The following SLC26A8 variants were observed in gnomAD, a reference collection of about 807,000 sequenced individuals.
SLC26A8 encodes testis anion transporter 1.
A neutral mutation model predicts 105.0 loss-of-function variants in SLC26A8; 70 were observed. The observed-to-expected ratio is 0.67, with a 90% CI of 0.55 to 0.81. The LOEUF (loss-of-function observed/expected upper bound fraction) is 0.81. Ranked by LOEUF, SLC26A8 falls within the 40% of genes least tolerant of loss-of-function variation. The pLI, the probability that SLC26A8 is intolerant of heterozygous loss-of-function variation, is 0.00. For synonymous variants in SLC26A8, 415 were observed against 438.3 expected, an observed-to-expected ratio of 0.95 and a Z score of 0.66; for missense variants, 998 against 1,181.8, an observed-to-expected ratio of 0.84 and a Z score of 2.28.
chr6:36,002,516 G>A (rs1761552306), intron 3 of SLC26A8, among the ~76,000 whole-genome samples: 1 of 152,024 alleles, frequency 6.6e-6, no homozygotes, highest in South Asian at 2.1e-4. Flanking sequence ...GCTAGCACTC[G>A]ATACTGCTAG....
chr6:35,945,977 T>C (rs895480330), intron 19 of SLC26A8, among the ~76,000 whole-genome samples: 3 of 152,224 alleles, frequency 2.0e-5, no homozygotes, highest in Non-Finnish European at 4.4e-5. Flanking sequence ...TGCTCCTTGG[T>C]CTTTTTGCTA....
chr6:35,962,412 C>T (rs1467159750), intron 12 of SLC26A8, 114 bp downstream of exon 12: 3 of 849,088 alleles, frequency 3.5e-6, no homozygotes, highest in Non-Finnish European at 5.7e-6. Context: ...TACTAGGCAT[C>T]AAAGAGTTGT....
chr6:35,991,489 T>A (rs1241057211), intron 7 of SLC26A8, among the ~76,000 whole-genome samples, 170 bp downstream of exon 7: 1 of 152,154 alleles, frequency 6.6e-6, no homozygotes, highest in East Asian at 1.9e-4. Context: ...AATTTTTAGT[T>A]GTCAACTGTA....
At chr6:35,969,133 C>G in intron 10 of SLC26A8, 179 bp from the exon 11 acceptor site, 1 of 582,002 alleles carries the variant, frequency 1.7e-6, no homozygotes, top group Non-Finnish European at 3.1e-6. Flanking sequence ...TAAACACATA[C>G]TAGGTACTCA....
At chr6:36,009,323 C>T (rs1482151698) in intron 3 of SLC26A8, among the ~76,000 whole-genome samples, 1 of 151,816 alleles carries the variant, frequency 6.6e-6, no homozygotes, top group East Asian at 1.9e-4. Context: ...TGTACTCCAG[C>T]CTGGGTGACA....
In SLC26A8 at chr6:35,943,763, G is replaced by A; in HGVS notation, c.*137C>T. On this transcript the variant is annotated 3_prime_UTR_variant, in exon 20 of 20. Coordinates refer to ENST00000490799, the MANE Select transcript of SLC26A8 (RefSeq NM_052961.4). ...ATCCCAGCGCAGAGCAAGGAAGAAGGCTGGCAGGTAGTAGGAGTCACAGTC... is the reference window on the plus strand; with the variant it reads ...ATCCCAGCGCAGAGCAAGGAAGAAGACTGGCAGGTAGTAGGAGTCACAGTC... 7.8e-7 allele frequency: 1 copy of A among 1,274,416 alleles called. No homozygotes were observed. The highest frequency in any genetic ancestry group is 1.1e-6 in the Non-Finnish European group (1 of 940,052). 78.9% of individuals were successfully genotyped at this position (1,274,416 alleles called of 1,614,324 possible). A position where few individuals can be genotyped will look rare whatever the true frequency, so the allele number is the denominator to read the frequency against.
chr6:35,968,375 C>T (rs1186643865), intron 11 of SLC26A8, among the ~76,000 whole-genome samples: 1 of 151,336 alleles, frequency 6.6e-6, no homozygotes, highest in South Asian at 2.1e-4. Flanking sequence ...GAACTCCTGA[C>T]TTCAGGTAAT....
chr6:35,962,899 G>C (rs1772371199), intron 11 of SLC26A8, among the ~76,000 whole-genome samples: 2 of 152,088 alleles, frequency 1.3e-5, no homozygotes, highest in African/African-American at 4.8e-5. Context: ...GAACTCCTGG[G>C]CTCAAGACGT....
chr6:35,960,899 G>C lies in SLC26A8; in HGVS notation c.1582C>G (p.Leu528Val). 2 of 1,614,162 alleles carry C rather than the reference G, an allele frequency of 1.2e-6. No individual in the cohort carries two copies. The highest frequency in any genetic ancestry group is 1.1e-5 in the South Asian group (1 of 91,084). ...TVRSHRAKILLLGQIPNTNIY... is the reference protein window; with the variant it reads ...TVRSHRAKILVLGQIPNTNIY... The stretch of plus-strand genomic sequence containing the variant: ...TTGGTGTTAGGGATTTGACCCAGGA[G>C]AAGAATCTTAGCTCTGAAAGGAAAT... Residue 528 changes from leucine (L) to valine (V), a missense_variant, in exon 14 of 20, where the codon CTC becomes GTC. Leu to Val is a conservative substitution (Grantham distance 32, BLOSUM62 1). Coordinates refer to ENST00000490799, the MANE Select transcript of SLC26A8 (RefSeq NM_052961.4).
At chr6:36,020,892 T>C (rs1762112446) in intron 1 of SLC26A8, among the ~76,000 whole-genome samples, 1 of 152,190 alleles carries the variant, frequency 6.6e-6, no homozygotes, top group South Asian at 2.1e-4. Flanking sequence ...TGCAGATAAG[T>C]TTAATGTGTC....
At chr6:36,012,120 T>A (rs1177546869) in intron 3 of SLC26A8, 113 bp downstream of exon 3, 2 of 1,410,642 alleles carry the variant, frequency 1.4e-6, no homozygotes, top group African/African-American at 1.5e-5. Context: ...ATGCTGTGAA[T>A]AAAATTCAAT....
At chr6:36,012,517 T>G (rs900638509) in intron 2 of SLC26A8, 145 bp from the exon 3 acceptor site, 6 of 904,926 alleles carry the variant, frequency 6.6e-6, no homozygotes, top group Non-Finnish European at 9.6e-6. Context: ...ACCAGATAAT[T>G]CTTTGTTGTT....
intron 3 of SLC26A8, among the ~76,000 whole-genome samples, chr6:36,006,794 G>A (rs1271142667): frequency 3.9e-5 from 6 of 152,176 alleles, no homozygotes; most frequent in Non-Finnish European, 8.8e-5. Flanking sequence ...GTAACTTAGT[G>A]TGAATACTCT....
chr6:35,966,400 G>A (rs1192728315), intron 11 of SLC26A8, among the ~76,000 whole-genome samples: 2 of 152,070 alleles, frequency 1.3e-5, no homozygotes, highest in Non-Finnish European at 2.9e-5. Flanking sequence ...GTATGGAGAG[G>A]AAACAAATCT....
At chr6:36,011,703 G>T (rs907692667) in intron 3 of SLC26A8, among the ~76,000 whole-genome samples, 3 of 152,088 alleles carry the variant, frequency 2.0e-5, no homozygotes, top group Non-Finnish European at 4.4e-5. Flanking sequence ...GACCTCCTGG[G>T]CTCAGGTGAT....
At chr6:35,972,043 A>C (rs1772817917) in intron 10 of SLC26A8, among the ~76,000 whole-genome samples, 1 of 152,246 alleles carries the variant, frequency 6.6e-6, no homozygotes, top group Non-Finnish European at 1.5e-5. Flanking sequence ...CAGAAGGACC[A>C]GTAGGTTTTG....
chr6:35,975,107 G>A (rs1772951581), intron 10 of SLC26A8, among the ~76,000 whole-genome samples: 1 of 151,840 alleles, frequency 6.6e-6, no homozygotes, highest in Admixed American at 6.6e-5. Context: ...TGGAAAGTGG[G>A]GTTTTGTGGG....
rs976806132 is a variant in SLC26A8 at position 36,022,582 on chromosome 6, C to T, written c.-3+1922G>A. On this transcript the variant is annotated intron_variant, in intron 1 of 19. Transcript: ENST00000490799. ...CTGAGGCAAAACAGCCAATTGGAGACCATTAATATTAGTCTAGGAGATGTT... is the reference window on the plus strand; with the variant it reads ...CTGAGGCAAAACAGCCAATTGGAGATCATTAATATTAGTCTAGGAGATGTT... 2.6e-5 allele frequency among the ~76,000 whole-genome samples: 4 copies of T among 152,120 alleles called. No individual in the cohort carries two copies. The South Asian group carries it at 8.3e-4, about 32-fold the overall frequency.
At chr6:35,973,904 A>C (rs889698189) in intron 10 of SLC26A8, among the ~76,000 whole-genome samples, 1 of 152,118 alleles carries the variant, frequency 6.6e-6, no homozygotes, top group Admixed American at 6.5e-5. Flanking sequence ...ATGCTGACTC[A>C]TTCCCCGGGC....
Sources: allele counts gnomAD v4.1 joint callset (sites outside exome capture counted in the v4.1 genomes callset), GRCh38; gene constraint gnomAD v4.1.1; transcripts MANE v1.5; gene names NCBI Gene and HGNC (gene_info 2026-07-23, HGNC 2026-07-21).